FRMD3: variants seen among roughly 807,000 people sequenced by gnomAD.
The protein encoded by FRMD3 is FERM domain containing 3.
Under a neutral mutation model 70.2 loss-of-function variants are expected in FRMD3, and 33 were observed. The ratio of observed to expected loss-of-function variants is 0.47; its 90% CI spans 0.36 to 0.63. The LOEUF (loss-of-function observed/expected upper bound fraction) is 0.63, where lower values mean the gene tolerates loss of function less well. FRMD3 is among the 20% of genes least tolerant of loss of function. The pLI, the probability that FRMD3 is intolerant of heterozygous loss-of-function variation, is 0.00. For missense variants in FRMD3, 632 were observed against 711.4 expected (o/e 0.89, Z 1.27); for synonymous variants, 279 against 255.9 (o/e 1.09, Z -0.86).
intron 1 of FRMD3, among the ~76,000 whole-genome samples, chr9:83,413,517 T>C (rs537768286): frequency 6.6e-6 from 1 of 152,340 alleles, no homozygotes; most frequent in South Asian, 2.1e-4. Context: ...ACACAGCACA[T>C]GGATCCTACT....
At chr9:83,401,955 C>G (rs1825962474) in intron 1 of FRMD3, among the ~76,000 whole-genome samples, 1 of 152,120 alleles carries the variant, frequency 6.6e-6, no homozygotes, top group Admixed American at 6.5e-5. Flanking sequence ...TGGCCCTCCA[C>G]AAGACTGTTT....
At chr9:83,572,151 GT>G in the FRMD3 span, among the ~76,000 whole-genome samples, 13 of 86,812 alleles carry the variant, frequency 1.5e-4, no homozygotes, top group African/African-American at 3.2e-4. Flanking sequence ...TTTTTGAGGT[GT>G]GTGTGTGTGT....
intron 13 of FRMD3, among the ~76,000 whole-genome samples, chr9:83,255,104 T>C (rs1348427322): frequency 6.6e-6 from 1 of 152,194 alleles, no homozygotes; most frequent in Non-Finnish European, 1.5e-5. Flanking sequence ...CCAATATCCT[T>C]GATGAACATT....
At chr9:83,294,264 A>C (rs573219959) in intron 12 of FRMD3, among the ~76,000 whole-genome samples, 23 of 152,216 alleles carry the variant, frequency 1.5e-4, no homozygotes, top group Non-Finnish European at 2.9e-4. Context: ...CCAGATGCTC[A>C]ATCTGCTGGT....
At chr9:83,507,995 T>G (rs543566108) in intron 1 of FRMD3, among the ~76,000 whole-genome samples, 1 of 152,010 alleles carries the variant, frequency 6.6e-6, no homozygotes, top group African/African-American at 2.4e-5. Flanking sequence ...GAGTAACACA[T>G]TGAGCTACAA....
At chr9:83,253,864 C>G (rs1832545932) in intron 13 of FRMD3, among the ~76,000 whole-genome samples, 1 of 152,090 alleles carries the variant, frequency 6.6e-6, no homozygotes, top group Non-Finnish European at 1.5e-5. Context: ...TGGAACCAAC[C>G]CAAATGTCCA....
chr9:83,272,395 C>T (rs1282631410), intron 13 of FRMD3, among the ~76,000 whole-genome samples: 4 of 152,056 alleles, frequency 2.6e-5, no homozygotes, highest in East Asian at 1.9e-4. Flanking sequence ...GACGGAGTCT[C>T]GTTCACTCAG....
chr9:83,280,253 G>A (rs1412268488), intron 13 of FRMD3, among the ~76,000 whole-genome samples: 1 of 152,146 alleles, frequency 6.6e-6, no homozygotes, highest in Non-Finnish European at 1.5e-5. Context: ...AACAAAGCTT[G>A]GCCCTCTCAT....
intron 1 of FRMD3, among the ~76,000 whole-genome samples, chr9:83,411,456 C>G (rs1292270002): frequency 6.6e-6 from 1 of 152,216 alleles, no homozygotes; most frequent in Non-Finnish European, 1.5e-5. Context: ...TGTCCCACCT[C>G]TTGGTTCACC....
At chr9:83,321,816 C>A (rs186167068) in intron 6 of FRMD3, among the ~76,000 whole-genome samples, 196 of 152,232 alleles carry the variant, frequency 1.3e-3, no homozygotes, top group African/African-American at 4.4e-3. Context: ...CTGTCTCTTT[C>A]TTTAGGTCTA....
At chr9:83,402,516 T>G (rs1825977377) in intron 1 of FRMD3, among the ~76,000 whole-genome samples, 1 of 151,774 alleles carries the variant, frequency 6.6e-6, no homozygotes, top group African/African-American at 2.4e-5. Context: ...AATTTAGAAA[T>G]GCATTACCAT....
In FRMD3 at chr9:83,488,986, G is replaced by A. The variant is rs937813978; in HGVS notation, c.147+49099C>T. On this transcript the variant is annotated intron_variant, in intron 1 of 13. Coordinates refer to ENST00000304195, the MANE Select transcript of FRMD3 (RefSeq NM_174938.6). ...CCCCTATACCTTTGTGTGTGTGTGT[G>A]TGTGTGTGTGTGTGTGTGTGTGTGT... 5.6e-3 allele frequency among the ~76,000 whole-genome samples: 534 copies of A among 95,854 alleles called. 4 individuals are homozygous for A. The highest frequency in any genetic ancestry group is 0.02 in the African/African-American group (507 of 24,846). The allele number at this position is 95,854 out of a possible 152,430, so 62.9% of individuals were successfully genotyped here.
intron 3 of FRMD3, among the ~76,000 whole-genome samples, chr9:83,358,544 T>G (rs901018433): frequency 6.6e-6 from 1 of 152,338 alleles, no homozygotes; most frequent in Admixed American, 6.5e-5. Context: ...TTTCACAATA[T>G]TGATTCCATC....
At chr9:83,563,382 G>C in the FRMD3 span, among the ~76,000 whole-genome samples, 1 of 152,170 alleles carries the variant, frequency 6.6e-6, no homozygotes, top group Non-Finnish European at 1.5e-5. Flanking sequence ...TAAAGGGTTG[G>C]TGGCAATGGA....
intron 2 of FRMD3, among the ~76,000 whole-genome samples, chr9:83,375,119 G>T (rs1183994984): frequency 6.6e-6 from 1 of 152,172 alleles, no homozygotes; most frequent in East Asian, 1.9e-4. Flanking sequence ...CCACACCAGG[G>T]CTGTGAGGAG....
In FRMD3 at chr9:83,244,843, A is replaced by C. The variant is rs1832013694; in HGVS notation, c.*3075T>G. 1 of 984,340 alleles carries C rather than the reference A, an allele frequency of 1.0e-6. No individual in the cohort carries two copies. The highest frequency in any genetic ancestry group is 1.2e-6 in the Non-Finnish European group (1 of 829,104). 61.0% of individuals were successfully genotyped at this position (984,340 alleles called of 1,614,324 possible). On this transcript the variant is annotated 3_prime_UTR_variant, in exon 14 of 14. Transcript: ENST00000304195. Reference sequence around the variant, plus strand: ...AGACAAACCACAAAATATATTCCAAATACATAACATTTTACAATATTTTTC... The same window carrying C: ...AGACAAACCACAAAATATATTCCAACTACATAACATTTTACAATATTTTTC...
intron 1 of FRMD3, among the ~76,000 whole-genome samples, chr9:83,497,888 C>T (rs1250328863): frequency 6.6e-6 from 1 of 152,242 alleles, no homozygotes; most frequent in Non-Finnish European, 1.5e-5. Context: ...TAGCTCATGC[C>T]TGTAATCCTA....
chr9:83,345,955 T>C (rs1157149137), intron 4 of FRMD3, among the ~76,000 whole-genome samples: 3 of 152,004 alleles, frequency 2.0e-5, no homozygotes, highest in Admixed American at 6.6e-5. Context: ...CTATTCATTA[T>C]AGCTAGAAAG....
chr9:83,409,743 T>C (rs1274421715), intron 1 of FRMD3, among the ~76,000 whole-genome samples: 1 of 152,246 alleles, frequency 6.6e-6, no homozygotes, highest in African/African-American at 2.4e-5. Context: ...AAATGTATGC[T>C]CAAGCAACAA....
Sources: allele counts gnomAD v4.1 joint callset (sites outside exome capture counted in the v4.1 genomes callset), GRCh38; gene constraint gnomAD v4.1.1; transcripts MANE v1.5; gene names NCBI Gene and HGNC (gene_info 2026-07-23, HGNC 2026-07-21).